BBX: variants seen among roughly 807,000 people sequenced by gnomAD.
The protein encoded by BBX is HMG box transcription factor BBX.
In BBX, 30 loss-of-function variants were observed where a neutral mutation model predicts 100.2. The observed-to-expected ratio is 0.30, with a 90% CI of 0.22 to 0.41. The LOEUF is 0.41. Ranked by LOEUF, BBX falls within the 10% of genes least tolerant of loss-of-function variation. The probability of loss-of-function intolerance (pLI) is 1.00; values close to 1 mark genes in which losing one functional copy is unlikely to be tolerated. For missense variants in BBX, 1,023 were observed against 1,129.8 expected (o/e 0.91, Z 1.35); for synonymous variants, 376 against 388.1 (o/e 0.97, Z 0.37).
At chr3:107,578,691 G>A (rs2052020678) in intron 2 of BBX, among the ~76,000 whole-genome samples, 1 of 152,094 alleles carries the variant, frequency 6.6e-6, no homozygotes, top group African/African-American at 2.4e-5. Context: ...CCATCTGCAG[G>A]AAGGAGAAGC....
chr3:107,709,496 A>G (rs1006647982), intron 3 of BBX, among the ~76,000 whole-genome samples: 3 of 152,226 alleles, frequency 2.0e-5, no homozygotes, highest in Non-Finnish European at 4.4e-5. Flanking sequence ...TAGCAACTGT[A>G]CTTGTGTTTG....
At chr3:107,742,436 G>T (rs1423591035) in intron 7 of BBX, among the ~76,000 whole-genome samples, 2 of 151,582 alleles carry the variant, frequency 1.3e-5, no homozygotes, top group African/African-American at 4.8e-5. Flanking sequence ...CAATTCTCCT[G>T]GCTCCTAATT....
intron 14 of BBX, among the ~76,000 whole-genome samples, chr3:107,790,970 G>C (rs1036218058): frequency 6.6e-6 from 1 of 152,008 alleles, no homozygotes; most frequent in African/African-American, 2.4e-5. Flanking sequence ...CCGTTTTACT[G>C]ATCTTCAGAT....
At chr3:107,769,241 G>GACAGACAGACA (rs1553814743) in intron 10 of BBX, among the ~76,000 whole-genome samples, 2 of 139,026 alleles carry the variant, frequency 1.4e-5, no homozygotes, top group African/African-American at 6.1e-5. Flanking sequence ...CAGATAGATA[G>GACAGACAGACA]GATAGATAGA....
rs1427648081 is a variant in BBX, at chr3:107,797,335, CAAATAT to C, written c.2354-1186_2354-1181del. ...TTTCCTCTTAGTTTAGCTTTTCTTC[CAAATAT>C]ATATATATATATATATATATATAGC... is the stretch of plus-strand genomic sequence containing the variant. On this transcript the variant is annotated intron_variant, in intron 15 of 17. Transcript: ENST00000325805. Among the ~76,000 whole-genome samples, 121 of 40,182 alleles carry C rather than the reference CAAATAT, an allele frequency of 3.0e-3. 4 individuals are homozygous for C. Among genetic ancestry groups the C allele is most frequent in the African/African-American group, 0.019 (106 of 5,482 alleles). 26.4% of individuals were successfully genotyped at this position (40,182 alleles called of 152,430 possible). A position where few individuals can be genotyped will look rare whatever the true frequency, so the allele number is the denominator to read the frequency against.
intron 2 of BBX, among the ~76,000 whole-genome samples, chr3:107,632,945 C>T (rs1203150989): frequency 3.3e-5 from 5 of 152,112 alleles, no homozygotes; most frequent in Admixed American, 6.5e-5. Flanking sequence ...TCATAAAATA[C>T]TGATTAAAAA....
intron 5 of BBX, among the ~76,000 whole-genome samples, chr3:107,718,371 CTATA>C (rs1411885589): frequency 6.7e-6 from 1 of 150,122 alleles, no homozygotes; most frequent in African/African-American, 2.4e-5. Flanking sequence ...AGGATTTTAA[CTATA>C]TAGGGCCTGT....
At chr3:107,682,177 C>T (rs1383791750) in intron 3 of BBX, among the ~76,000 whole-genome samples, 2 of 151,888 alleles carry the variant, frequency 1.3e-5, no homozygotes, top group East Asian at 1.9e-4. Context: ...GAGTGAGGTT[C>T]GAGGAAGGAA....
intron 3 of BBX, among the ~76,000 whole-genome samples, chr3:107,698,070 G>T (rs554251923): frequency 2.0e-5 from 3 of 151,662 alleles, no homozygotes; most frequent in East Asian, 1.9e-4. Context: ...CACGGTGCGC[G>T]CACCCACTGA....
intron 14 of BBX, among the ~76,000 whole-genome samples, chr3:107,790,395 C>G (rs1432017720): frequency 6.6e-6 from 1 of 152,092 alleles, no homozygotes; most frequent in African/African-American, 2.4e-5. Flanking sequence ...CCTCGTTTGC[C>G]AGGCTCTTGT....
At chr3:107,667,665 G>T (rs2058822188) in intron 3 of BBX, among the ~76,000 whole-genome samples, 2 of 151,898 alleles carry the variant, frequency 1.3e-5, no homozygotes, top group East Asian at 3.9e-4. Flanking sequence ...AATAAATTTT[G>T]AACTGCATAT....
chr3:107,671,407 A>G (rs1027871883), intron 3 of BBX, among the ~76,000 whole-genome samples: 2 of 152,034 alleles, frequency 1.3e-5, no homozygotes, highest in South Asian at 4.1e-4. Flanking sequence ...AACTTAACTG[A>G]TAGAGCTCAG....
At chr3:107,741,578 T>C (rs1462925957) in intron 7 of BBX, among the ~76,000 whole-genome samples, 1 of 152,188 alleles carries the variant, frequency 6.6e-6, no homozygotes, top group Non-Finnish European at 1.5e-5. Flanking sequence ...CCACTACTTA[T>C]TTAATATTTT....
chr3:107,558,459 G>A (rs2050241294), intron 2 of BBX, among the ~76,000 whole-genome samples: 1 of 152,110 alleles, frequency 6.6e-6, no homozygotes, highest in African/African-American at 2.4e-5. Context: ...CCATACTTCA[G>A]CCTGGGGGAC....
At position 107,791,677 on chromosome 3, in the gene BBX, C is replaced by T. The variant is rs185418454; in HGVS notation, c.2353+378C>T. On this transcript the variant is annotated intron_variant, in intron 15 of 17. Coordinates refer to ENST00000325805, the MANE Select transcript of BBX (RefSeq NM_001142568.3). ...GGCATGGGCAGGCCTGCAGGAGTAA[C>T]TTCTGACCTGGGTGTTTTCCTAGCC... 6.4e-4 allele frequency among the ~76,000 whole-genome samples: 97 copies of T among 152,274 alleles called. 1 individual carries two copies. The highest frequency in any genetic ancestry group is 5.2e-3 in the Admixed American group (79 of 15,294).
chr3:107,575,130 G>A (rs1375480633), intron 2 of BBX, among the ~76,000 whole-genome samples: 5 of 152,158 alleles, frequency 3.3e-5, no homozygotes, highest in Non-Finnish European at 7.4e-5. Flanking sequence ...ATTCGTCTCA[G>A]TGAACTTTAT....
At chr3:107,716,225 A>G (rs1457069348) in intron 4 of BBX, among the ~76,000 whole-genome samples, 1 of 152,208 alleles carries the variant, frequency 6.6e-6, no homozygotes, top group Non-Finnish European at 1.5e-5. Flanking sequence ...TTATTCATTC[A>G]TTCCACAATT....
chr3:107,613,941 G>GTTTTTTTTT (rs533672871), intron 2 of BBX, among the ~76,000 whole-genome samples: 2 of 86,586 alleles, frequency 2.3e-5, no homozygotes, highest in African/African-American at 4.1e-5. Context: ...ACATACCATG[G>GTTTTTTTTT]TTTTTTTTTT....
chr3:107,666,622 G>A (rs2058757795), intron 3 of BBX, among the ~76,000 whole-genome samples: 1 of 152,202 alleles, frequency 6.6e-6, no homozygotes, highest in African/African-American at 2.4e-5. Flanking sequence ...CTGGAGTGCA[G>A]TGGCGCGATC....
Sources: allele counts gnomAD v4.1 joint callset (sites outside exome capture counted in the v4.1 genomes callset), GRCh38; gene constraint gnomAD v4.1.1; transcripts MANE v1.5; gene names NCBI Gene and HGNC (gene_info 2026-07-23, HGNC 2026-07-21).